APLP2: variants seen among roughly 807,000 people sequenced by gnomAD.
APLP2 encodes CDEI box-binding protein.
Under a neutral mutation model 89.9 loss-of-function variants are expected in APLP2, and 53 were observed. The ratio of observed to expected loss-of-function variants is 0.59; its 90% CI spans 0.47 to 0.74. The LOEUF is 0.74. APLP2 is among the 30% of genes least tolerant of loss of function. The pLI is 0.00. For missense variants in APLP2, 973 were observed against 975.9 expected, an observed-to-expected ratio of 1.00 and a Z score of 0.04; for synonymous variants, 372 against 348.6, an observed-to-expected ratio of 1.07 and a Z score of -0.75.
chr11:130,105,276 T>C (rs1417666205), intron 1 of APLP2, among the ~76,000 whole-genome samples: 1 of 152,034 alleles, frequency 6.6e-6, no homozygotes, highest in Non-Finnish European at 1.5e-5. Context: ...GTATACTGGG[T>C]GTGATGGCGC....
intron 1 of APLP2, among the ~76,000 whole-genome samples, chr11:130,107,746 C>T (rs996463008): frequency 2.6e-5 from 4 of 152,246 alleles, no homozygotes; most frequent in South Asian, 4.1e-4. Context: ...AAAAAGAGCC[C>T]GCGTTGCCAA....
In APLP2 at chr11:130,069,894, A is replaced by C; in HGVS notation, c.-84A>C. On this transcript the variant is annotated 5_prime_UTR_variant, in exon 1 of 17. Coordinates refer to ENST00000338167, the MANE Select transcript of APLP2 (RefSeq NM_001142276.2). ...CCCGGGGCGGCGGCGAACTGGCTTTAGATGCTTCTGGGTCGCGGTGTGCTA... is the reference window on the plus strand; with the variant it reads ...CCCGGGGCGGCGGCGAACTGGCTTTCGATGCTTCTGGGTCGCGGTGTGCTA... 9.6e-7 allele frequency: 1 copy of C among 1,038,648 alleles called. No individual in the cohort carries two copies. The highest frequency in any genetic ancestry group is 1.4e-6 in the Non-Finnish European group (1 of 723,586). The allele number at this position is 1,038,648 out of a possible 1,614,324, so 64.3% of individuals were successfully genotyped here.
At chr11:130,109,726 C>T in intron 2 of APLP2, 124 bp downstream of exon 2, 1 of 1,073,762 alleles carries the variant, frequency 9.3e-7, no homozygotes, top group Non-Finnish European at 1.3e-6. Flanking sequence ...ATGACTGGAG[C>T]CCCAAGCCTT....
At chr11:130,098,373 C>T (rs1387235226) in intron 1 of APLP2, among the ~76,000 whole-genome samples, 1 of 151,706 alleles carries the variant, frequency 6.6e-6, no homozygotes, top group Non-Finnish European at 1.5e-5. Context: ...CCGCTGCATT[C>T]CAGCCTGGTG....
chr11:130,098,844 G>GA (rs2135655211), intron 1 of APLP2, among the ~76,000 whole-genome samples: 1 of 152,214 alleles, frequency 6.6e-6, no homozygotes, highest in East Asian at 1.9e-4. Flanking sequence ...ATATTCTACA[G>GA]AAAACCCTTC....
Position 130,108,077 on chromosome 11 carries a change from A to G in APLP2, c.106-1352A>G, listed in dbSNP as rs188940411. On this transcript the variant is annotated intron_variant, in intron 1 of 16. Coordinates refer to ENST00000338167, the MANE Select transcript of APLP2 (RefSeq NM_001142276.2). ...ACAAAAATTAATTCAAGATGGATTA[A>G]AGACTTAAATGTTAGACTTAAAACC... is the stretch of plus-strand genomic sequence containing the variant. Among the ~76,000 whole-genome samples, 32 of 152,370 alleles carry G rather than the reference A, an allele frequency of 2.1e-4. No individual in the cohort carries two copies. In the East Asian group the frequency reaches 5.6e-3, roughly 27 times the overall value.
intron 6 of APLP2, among the ~76,000 whole-genome samples, 154 bp downstream of exon 6, chr11:130,122,667 A>C (rs931037001): frequency 6.6e-6 from 1 of 152,218 alleles, no homozygotes; most frequent in Non-Finnish European, 1.5e-5. Context: ...CAGTGATGGG[A>C]TGGTGCCGTC....
intron 3 of APLP2, among the ~76,000 whole-genome samples, chr11:130,116,696 TC>T (rs1434235907): frequency 6.6e-6 from 1 of 151,970 alleles, no homozygotes; most frequent in Non-Finnish European, 1.5e-5. Context: ...GGTCTTGAAC[TC>T]CTAACCTCAA....
At chr11:130,076,459 TAAGAA>T (rs1942136331) in intron 1 of APLP2, among the ~76,000 whole-genome samples, 1 of 152,240 alleles carries the variant, frequency 6.6e-6, no homozygotes, top group Non-Finnish European at 1.5e-5. Context: ...CCTAAAGTTT[TAAGAA>T]AAGAAGTTAC....
intron 3 of APLP2, among the ~76,000 whole-genome samples, chr11:130,111,452 T>C (rs370687874): frequency 5.3e-5 from 8 of 152,304 alleles, no homozygotes; most frequent in East Asian, 1.9e-4. Context: ...GTAGACATCC[T>C]GAGTGGTTCT....
chr11:130,124,423 G>C (rs1263724337), intron 7 of APLP2, among the ~76,000 whole-genome samples: 4 of 152,182 alleles, frequency 2.6e-5, no homozygotes, highest in African/African-American at 9.7e-5. Flanking sequence ...GTGACAGGAA[G>C]GTCAGTGGTT....
chr11:130,139,614 C>G (rs1220150788), intron 13 of APLP2: 1 of 152,194 alleles, frequency 6.6e-6, no homozygotes, highest in Non-Finnish European at 1.5e-5. Context: ...TCCTTCGGAG[C>G]GCCACACTCG....
chr11:130,116,859 G>A (rs1230530195), intron 3 of APLP2, among the ~76,000 whole-genome samples: 1 of 152,118 alleles, frequency 6.6e-6, no homozygotes, highest in Non-Finnish European at 1.5e-5. Flanking sequence ...GCCAGGCCTG[G>A]TGGCTTATGC....
At chr11:130,077,381 G>T (rs74897419) in intron 1 of APLP2, among the ~76,000 whole-genome samples, 17,030 of 152,164 alleles carry the variant, frequency 0.11, 1,235 homozygotes, top group East Asian at 0.25. Context: ...TGGTAGTAAG[G>T]ATCGTTAGTA....
chr11:130,122,037 A>G (rs1160219752), intron 5 of APLP2, among the ~76,000 whole-genome samples: 1 of 152,046 alleles, frequency 6.6e-6, no homozygotes, highest in African/African-American at 2.4e-5. Context: ...GGTTACTATG[A>G]TATTTTTTAA....
chr11:130,135,421 T>A (rs1951454503), intron 12 of APLP2, 142 bp from the exon 13 acceptor site: 2 of 981,724 alleles, frequency 2.0e-6, no homozygotes, highest in Non-Finnish European at 3.0e-6. Context: ...GTGTTGGGGC[T>A]CTGTGGTGCC....
intron 1 of APLP2, chr11:130,108,708 A>G (rs1948127677): frequency 6.6e-6 from 1 of 152,284 alleles, no homozygotes; most frequent in Non-Finnish European, 1.5e-5. Context: ...ATTACTCGGT[A>G]TGTACCCAAT....
At chr11:130,116,069 CT>C (rs1336040808) in intron 3 of APLP2, among the ~76,000 whole-genome samples, 2 of 151,974 alleles carry the variant, frequency 1.3e-5, no homozygotes, top group African/African-American at 4.8e-5. Context: ...GTATGCTCCT[CT>C]GTTTAAAGTT....
chr11:130,093,205 GGAAACTTCCA>G (rs954376762), intron 1 of APLP2, among the ~76,000 whole-genome samples: 2 of 152,198 alleles, frequency 1.3e-5, no homozygotes, highest in African/African-American at 4.8e-5. Flanking sequence ...TGCATGTGCA[GGAAACTTCCA>G]GAAACTTCCA....
Sources: allele counts gnomAD v4.1 joint callset (sites outside exome capture counted in the v4.1 genomes callset), GRCh38; gene constraint gnomAD v4.1.1; transcripts MANE v1.5; gene names NCBI Gene and HGNC (gene_info 2026-07-23, HGNC 2026-07-21).